Variants in TRHDE observed in about 807,000 individuals in gnomAD.
TRHDE encodes thyrotropin releasing hormone degrading enzyme.
Under a neutral mutation model 125.7 loss-of-function variants are expected in TRHDE, and 72 were observed. The ratio of observed to expected loss-of-function variants is 0.57; its 90% CI spans 0.47 to 0.70. The LOEUF is 0.70. TRHDE is among the 30% of genes least tolerant of loss of function. The pLI is 0.00. For missense variants in TRHDE, 1,110 were observed against 1,327.1 expected (o/e 0.84, Z 2.54); for synonymous variants, 509 against 509.1 (o/e 1.00, Z 0.00).
intron 2 of TRHDE, among the ~76,000 whole-genome samples, chr12:72,145,403 T>TTCAA (rs1876205344): frequency 6.6e-6 from 1 of 152,200 alleles, no homozygotes; most frequent in East Asian, 1.9e-4. Flanking sequence ...CCATAGTTTA[T>TTCAA]TCAACCTCTC....
chr12:72,632,160 T>C (rs1873524440), intron 15 of TRHDE, among the ~76,000 whole-genome samples: 1 of 151,988 alleles, frequency 6.6e-6, no homozygotes, highest in African/African-American at 2.4e-5. Context: ...AGTGCTTGTG[T>C]ATTTGCTATG....
intron 2 of TRHDE, among the ~76,000 whole-genome samples, chr12:72,298,455 T>A (rs1399604956): frequency 1.2e-4 from 18 of 152,238 alleles, no homozygotes; most frequent in Non-Finnish European, 7.3e-5. Context: ...TTTTTCTTTC[T>A]GGCTTCAGAT....
chr12:72,381,959 G>T (rs1262045616), intron 3 of TRHDE, among the ~76,000 whole-genome samples: 1 of 152,118 alleles, frequency 6.6e-6, no homozygotes, highest in African/African-American at 2.4e-5. Flanking sequence ...AGGTACATTT[G>T]CCAGAATATT....
chr12:72,458,077 A>C (rs1242420680), intron 3 of TRHDE, among the ~76,000 whole-genome samples: 2 of 152,176 alleles, frequency 1.3e-5, no homozygotes, highest in Non-Finnish European at 2.9e-5. Flanking sequence ...GCCGATTATG[A>C]GAACCCCTAA....
intron 2 of TRHDE, among the ~76,000 whole-genome samples, chr12:72,248,485 A>G (rs186568027): frequency 8.8e-6 from 1 of 114,076 alleles, no homozygotes; most frequent in Admixed American, 9.1e-5. Flanking sequence ...TTTAAAAAGA[A>G]TCAATATTAC....
rs115669099 is a variant in TRHDE at position 72,236,485 on chromosome 12, T to C, written n.279+130733T>C. On this transcript the variant is annotated intron_variant and non_coding_transcript_variant, in intron 2 of 4. Transcript: ENST00000548156. Reference sequence around the variant, plus strand: ...TATTTATGTCAAATATATTATTGACTGATGAAAGCCAGATAGTCCTTTCTC... The same window carrying C: ...TATTTATGTCAAATATATTATTGACCGATGAAAGCCAGATAGTCCTTTCTC... Among the ~76,000 whole-genome samples, 257 of 149,942 alleles carry C rather than the reference T, an allele frequency of 1.7e-3. 2 individuals carry two copies. The highest frequency in any genetic ancestry group is 6.0e-3 in the African/African-American group (248 of 41,430).
chr12:72,183,276 A>G (rs980133080), intron 2 of TRHDE, among the ~76,000 whole-genome samples: 2 of 152,208 alleles, frequency 1.3e-5, no homozygotes, highest in African/African-American at 4.8e-5. Flanking sequence ...GTTGTAATGA[A>G]TGTAATTAAA....
At chr12:72,146,965 G>A (rs377556686) in intron 2 of TRHDE, among the ~76,000 whole-genome samples, 8 of 152,190 alleles carry the variant, frequency 5.3e-5, no homozygotes, top group East Asian at 3.9e-4. Context: ...CCTGGAGTCC[G>A]GCCGCCTAGC....
intron 2 of TRHDE, among the ~76,000 whole-genome samples, chr12:72,112,711 T>C (rs1592444849): frequency 6.6e-6 from 1 of 152,224 alleles, no homozygotes; most frequent in Non-Finnish European, 1.5e-5. Flanking sequence ...TAAGATGACT[T>C]ACATTTCTCT....
intron 2 of TRHDE, among the ~76,000 whole-genome samples, chr12:72,214,318 A>G (rs914182168): frequency 5.3e-5 from 8 of 152,202 alleles, no homozygotes; most frequent in African/African-American, 1.9e-4. Flanking sequence ...GAAATTAATA[A>G]CTGTCAACTA....
chr12:72,358,255 C>T (rs112760093), intron 2 of TRHDE, among the ~76,000 whole-genome samples: 17 of 151,562 alleles, frequency 1.1e-4, no homozygotes, highest in African/African-American at 3.9e-4. Flanking sequence ...AATTTTCTTC[C>T]ACCTCTCCCA....
At chr12:72,594,241 G>T (rs1871823945) in intron 12 of TRHDE, among the ~76,000 whole-genome samples, 1 of 151,994 alleles carries the variant, frequency 6.6e-6, no homozygotes, top group Non-Finnish European at 1.5e-5. Flanking sequence ...TTGTGGTTTT[G>T]ATTTGCATTT....
chr12:72,319,190 A>G (rs950704297), intron 2 of TRHDE, among the ~76,000 whole-genome samples: 6 of 152,186 alleles, frequency 3.9e-5, no homozygotes, highest in African/African-American at 1.2e-4. Flanking sequence ...ACTGAAGCTC[A>G]GGAGAAAGGT....
rs1409790100 is a variant in TRHDE at position 72,562,205 on chromosome 12, A to G, written c.1829A>G (p.Asn610Ser). ...TIHKYGNAAR[N>S]DLWNTLSEAL... is the part of the protein sequence containing the mutation. ...CATAAGTATGGTAATGCAGCCAGAA[A>G]TGATCTCTGGAATACATTATCGGAG... The change falls in exon 8 of 19, where the codon AAT (asparagine) becomes AGT (serine). Residue 610 changes from asparagine to serine, a missense_variant. Physicochemically the swap from Asn to Ser is conservative, Grantham distance 46 (BLOSUM62 1). Coordinates refer to ENST00000261180, the MANE Select transcript of TRHDE (RefSeq NM_013381.3). 6.4e-7 allele frequency: 1 copy of G among 1,563,292 alleles called. No individual in the cohort carries two copies. Among genetic ancestry groups the G allele is most frequent in the South Asian group, 1.1e-5 (1 of 87,520 alleles).
intron 15 of TRHDE, among the ~76,000 whole-genome samples, chr12:72,623,761 A>G (rs1267322713): frequency 6.6e-6 from 1 of 152,038 alleles, no homozygotes; most frequent in Non-Finnish European, 1.5e-5. Context: ...ATCTATGAAT[A>G]TGTAAGGTGG....
At chr12:72,601,450 T>A (rs891750266) in intron 12 of TRHDE, among the ~76,000 whole-genome samples, 2 of 152,126 alleles carry the variant, frequency 1.3e-5, no homozygotes, top group African/African-American at 4.8e-5. Flanking sequence ...TAAACTTACT[T>A]GCTATTACAT....
chr12:72,644,681 A>G (rs186285734), intron 15 of TRHDE, among the ~76,000 whole-genome samples: 135 of 152,352 alleles, frequency 8.9e-4, no homozygotes, highest in African/African-American at 3.1e-3. Context: ...GATCTTTTCT[A>G]CTGCTCAGCA....
intron 3 of TRHDE, among the ~76,000 whole-genome samples, chr12:72,464,950 G>A (rs576625594): frequency 1.8e-4 from 27 of 151,984 alleles, no homozygotes; most frequent in Admixed American, 5.2e-4. Flanking sequence ...ATAGTTTTTT[G>A]TACTATACTA....
chr12:72,256,823 T>C (rs57557274), intron 2 of TRHDE: 33,893 of 152,118 alleles, frequency 0.22, 4,319 homozygotes, highest in Middle Eastern at 0.35. Flanking sequence ...GATCCTGGGC[T>C]AGAAGAACAG....
Sources: gnomAD v4.1 joint callset for allele counts (sites outside exome capture counted in the v4.1 genomes callset) on GRCh38, gnomAD v4.1.1 for gene constraint, MANE v1.5 for transcripts, NCBI Gene and HGNC (gene_info 2026-07-23, HGNC 2026-07-21) for gene names.